Variants in ZBTB20 observed in about 807,000 individuals in gnomAD.
The protein encoded by ZBTB20 is zinc finger and BTB domain-containing protein 20.
A neutral mutation model predicts 56.9 loss-of-function variants in ZBTB20; 9 were observed. That is an observed-to-expected ratio of 0.16 (90% CI 0.10 to 0.28). ZBTB20 has a LOEUF of 0.28. Ranked by LOEUF, ZBTB20 falls within the 10% of genes least tolerant of loss-of-function variation. The pLI, the probability that ZBTB20 is intolerant of heterozygous loss-of-function variation, is 1.00. For synonymous variants in ZBTB20, 417 were observed against 420.7 expected, an observed-to-expected ratio of 0.99 and a Z score of 0.11; for missense variants, 655 against 1,003.0, an observed-to-expected ratio of 0.65 and a Z score of 4.69.
chr3:114,939,426 G>C lies in ZBTB20; in HGVS notation c.-456+34940C>G, dbSNP rs1018584526. On this transcript the variant is annotated intron_variant, in intron 3 of 11. Transcript: ENST00000675478. Reference sequence around the variant, plus strand: ...AAATTGAAAATAGAGATAAAATATGGTATAACTTTTAAAATTAAAAGCTTT... The same window carrying C: ...AAATTGAAAATAGAGATAAAATATGCTATAACTTTTAAAATTAAAAGCTTT... Among the ~76,000 whole-genome samples, 7 of 146,058 alleles carry C rather than the reference G, an allele frequency of 4.8e-5. No individual in the cohort carries two copies. The East Asian group carries it at 1.2e-3, about 24-fold the overall frequency.
chr3:114,799,803 C>T (rs2071585191), intron 5 of ZBTB20, among the ~76,000 whole-genome samples: 1 of 151,902 alleles, frequency 6.6e-6, no homozygotes, highest in Non-Finnish European at 1.5e-5. Flanking sequence ...TCACCAGATG[C>T]AATCACAGTA....
At chr3:114,716,451 A>AT in intron 5 of ZBTB20, among the ~76,000 whole-genome samples, 1 of 152,274 alleles carries the variant, frequency 6.6e-6, no homozygotes, top group Middle Eastern at 3.4e-3. Context: ...CCAGATTGAA[A>AT]TATCAGCTGC....
At chr3:114,981,924 A>G (rs1390937443) in intron 2 of ZBTB20, among the ~76,000 whole-genome samples, 4 of 152,028 alleles carry the variant, frequency 2.6e-5, no homozygotes, top group Non-Finnish European at 2.9e-5. Flanking sequence ...ACTACCATGC[A>G]AGGAACTTTC....
chr3:114,684,008 T>G (rs1374541223), intron 6 of ZBTB20, among the ~76,000 whole-genome samples: 1 of 152,172 alleles, frequency 6.6e-6, no homozygotes, highest in African/African-American at 2.4e-5. Flanking sequence ...AGGCTGCATC[T>G]TCTTTATTAA....
intron 3 of ZBTB20, among the ~76,000 whole-genome samples, chr3:114,951,133 A>G (rs2077052636): frequency 1.3e-5 from 2 of 152,090 alleles, no homozygotes; most frequent in South Asian, 4.1e-4. Context: ...AAATTCACTT[A>G]CCTATATTTT....
intron 6 of ZBTB20, among the ~76,000 whole-genome samples, chr3:114,686,877 G>A (rs2108286181): frequency 6.6e-6 from 1 of 152,138 alleles, no homozygotes; most frequent in Admixed American, 6.6e-5. Context: ...CACCCTCTTG[G>A]ATCAGTTTGC....
chr3:114,490,423 GT>G (rs1039841680), intron 7 of ZBTB20, among the ~76,000 whole-genome samples: 2 of 152,004 alleles, frequency 1.3e-5, no homozygotes, highest in African/African-American at 4.8e-5. Context: ...GAGTTTCACT[GT>G]GTTGGCCAGG....
intron 4 of ZBTB20, among the ~76,000 whole-genome samples, chr3:114,805,754 T>C (rs2072057227): frequency 6.6e-6 from 1 of 151,904 alleles, no homozygotes; most frequent in African/African-American, 2.4e-5. Flanking sequence ...TTCATACCCT[T>C]AGGGAGTCAA....
chr3:114,575,741 GAA>G (rs1431440685), intron 6 of ZBTB20, among the ~76,000 whole-genome samples: 1 of 152,118 alleles, frequency 6.6e-6, no homozygotes, highest in Non-Finnish European at 1.5e-5. Flanking sequence ...TTTGCCAAAT[GAA>G]AACTTAACGG....
At chr3:114,362,868 C>A (rs2082033277) in intron 10 of ZBTB20, among the ~76,000 whole-genome samples, 2 of 152,132 alleles carry the variant, frequency 1.3e-5, no homozygotes, top group South Asian at 2.1e-4. Context: ...GGGAAGCTAA[C>A]CTGCTTGGTA....
At chr3:114,816,397 G>C (rs562335043) in intron 4 of ZBTB20, among the ~76,000 whole-genome samples, 4 of 152,218 alleles carry the variant, frequency 2.6e-5, no homozygotes, top group Admixed American at 2.0e-4. Context: ...AAGTTTGGAA[G>C]CTGTAAGTAT....
chr3:115,004,660 C>A (rs957446174), intron 2 of ZBTB20, among the ~76,000 whole-genome samples: 5 of 151,706 alleles, frequency 3.3e-5, no homozygotes, highest in African/African-American at 1.2e-4. Context: ...TCTTCTCACA[C>A]AGAACACTTG....
chr3:114,736,653 T>TG (rs1266165354), intron 5 of ZBTB20, among the ~76,000 whole-genome samples: 1 of 152,146 alleles, frequency 6.6e-6, no homozygotes, highest in Non-Finnish European at 1.5e-5. Context: ...TTATCAAAAT[T>TG]GGGCATAAAG....
chr3:114,412,513 G>A (rs1026061093), intron 7 of ZBTB20, among the ~76,000 whole-genome samples: 14 of 152,078 alleles, frequency 9.2e-5, no homozygotes, highest in Non-Finnish European at 1.5e-4. Context: ...ATTTCTCACC[G>A]GGATGCTGAC....
At chr3:115,072,534 TG>T (rs2082447537) in intron 1 of ZBTB20, among the ~76,000 whole-genome samples, 1 of 152,186 alleles carries the variant, frequency 6.6e-6, no homozygotes, top group Non-Finnish European at 1.5e-5. Flanking sequence ...CCATTGCTCT[TG>T]GCCCCTCAGT....
At position 114,316,477 on chromosome 3, in the gene ZBTB20, T is replaced by A; in HGVS notation, c.*22528A>T. ...ATGTGCATGTGTGTATATATGCACATATACACACCTATACATGTATAATAT... is the reference window on the plus strand; with the variant it reads ...ATGTGCATGTGTGTATATATGCACAAATACACACCTATACATGTATAATAT... On this transcript the variant is annotated 3_prime_UTR_variant, in exon 12 of 12. Coordinates refer to ENST00000675478, the MANE Select transcript of ZBTB20 (RefSeq NM_001348800.3). 1 of 506,498 alleles carries A rather than the reference T, an allele frequency of 2.0e-6. No individual in the cohort carries two copies. Among genetic ancestry groups the A allele is most frequent in the Non-Finnish European group, 4.0e-6 (1 of 247,598 alleles). The allele number at this position is 506,498 out of a possible 1,614,324, so 31.4% of individuals were successfully genotyped here.
At chr3:114,513,300 C>T (rs1363611014) in intron 6 of ZBTB20, among the ~76,000 whole-genome samples, 1 of 152,194 alleles carries the variant, frequency 6.6e-6, no homozygotes, top group Non-Finnish European at 1.5e-5. Flanking sequence ...CAAATACGTA[C>T]ATGACACCAA....
At chr3:115,143,677 GA>G (rs2084883275) in intron 1 of ZBTB20, among the ~76,000 whole-genome samples, 2 of 152,030 alleles carry the variant, frequency 1.3e-5, no homozygotes, top group South Asian at 2.1e-4. Context: ...CAAGACACAA[GA>G]TTTTTTTAAT....
rs1192125407 is a variant in ZBTB20 at position 114,346,194 on chromosome 3, T to G, written c.1804+4080A>C. Among the ~76,000 whole-genome samples the G allele has an allele frequency of 3.3e-5, 5 of 152,306 alleles. No individual in the cohort carries two copies. The East Asian group carries it at 9.6e-4, about 29-fold the overall frequency. On this transcript the variant is annotated intron_variant, in intron 11 of 11. Transcript: ENST00000675478. ...TTATGAAGAATATTCAAGAGCAATC[T>G]AAGGAGTATAAAGGAGTTTCAGAGT...
Sources: gnomAD v4.1 joint callset for allele counts (sites outside exome capture counted in the v4.1 genomes callset) on GRCh38, gnomAD v4.1.1 for gene constraint, MANE v1.5 for transcripts, NCBI Gene and HGNC (gene_info 2026-07-23, HGNC 2026-07-21) for gene names.